The following ZZEF1 variants were observed in gnomAD, a reference collection of about 807,000 sequenced individuals.
ZZEF1 encodes the protein zinc finger ZZ-type and EF-hand domain containing 1, also known as zinc finger ZZ-type and EF-hand domain-containing protein 1.
In ZZEF1, 157 loss-of-function variants were observed where a neutral mutation model predicts 342.8. That is an observed-to-expected ratio of 0.46 (90% confidence interval 0.40 to 0.52). ZZEF1 has a LOEUF of 0.52. ZZEF1 is among the 20% of genes least tolerant of loss of function. ZZEF1 has a pLI of 0.00. For missense variants in ZZEF1, 3,480 were observed against 3,725.6 expected (o/e 0.93, Z 1.72); for synonymous variants, 1,505 against 1,429.1 (o/e 1.05, Z -1.20).
At chr17:4,051,124 G>T (rs1249379046) in intron 35 of ZZEF1, 81 bp from the exon 36 acceptor site, 99 of 1,603,048 alleles carry the variant, frequency 6.2e-5, no homozygotes, top group Non-Finnish European at 7.5e-5. Flanking sequence ...GGCCTTAGGA[G>T]AGCATGTGGT....
At chr17:4,038,843 C>A (rs143611186) in intron 39 of ZZEF1, among the ~76,000 whole-genome samples, 7 of 151,132 alleles carry the variant, frequency 4.6e-5, no homozygotes, top group Non-Finnish European at 8.8e-5. Flanking sequence ...AAACAAAAAA[C>A]CACCACCACC....
At chr17:4,091,739 T>C (rs775143398) in intron 11 of ZZEF1, among the ~76,000 whole-genome samples, 1 of 151,328 alleles carries the variant, frequency 6.6e-6, no homozygotes, top group South Asian at 2.1e-4. Context: ...ATCACGCCAT[T>C]GCACTCCAGC....
intron 1 of ZZEF1, among the ~76,000 whole-genome samples, chr17:4,140,303 C>T (rs757752654): frequency 1.3e-5 from 2 of 152,218 alleles, no homozygotes; most frequent in Non-Finnish European, 2.9e-5. Context: ...GATACAATTT[C>T]CTCTGCCTGA....
chr17:4,126,859 C>T (rs1799629419), intron 1 of ZZEF1, among the ~76,000 whole-genome samples: 1 of 152,092 alleles, frequency 6.6e-6, no homozygotes, highest in African/African-American at 2.4e-5. Context: ...TCCAGCTACT[C>T]CAGAGGCTGA....
At chr17:4,115,337 T>C (rs1280632897) in intron 3 of ZZEF1, among the ~76,000 whole-genome samples, 1 of 152,166 alleles carries the variant, frequency 6.6e-6, no homozygotes, top group Admixed American at 6.5e-5. Context: ...ATGTGCTTTT[T>C]ATACTTTCCT....
intron 1 of ZZEF1, among the ~76,000 whole-genome samples, chr17:4,138,728 A>G: frequency 6.6e-6 from 1 of 152,264 alleles, no homozygotes; most frequent in East Asian, 1.9e-4. Context: ...TCCTGTACTC[A>G]GCACGTTTTT....
chr17:4,015,580 T>A (rs753365501), intron 49 of ZZEF1, among the ~76,000 whole-genome samples: 1 of 152,086 alleles, frequency 6.6e-6, no homozygotes, highest in Non-Finnish European at 1.5e-5. Context: ...GCCTGGCCAA[T>A]ATGGTGAAAC....
chr17:4,038,622 T>G (rs1029322716), intron 39 of ZZEF1, among the ~76,000 whole-genome samples: 1 of 151,978 alleles, frequency 6.6e-6, no homozygotes, highest in African/African-American at 2.4e-5. Context: ...CTGGCCAACA[T>G]GGTGAAACCC....
intron 1 of ZZEF1, among the ~76,000 whole-genome samples, chr17:4,131,735 C>T (rs1375639051): frequency 6.6e-6 from 1 of 151,934 alleles, no homozygotes. Context: ...GCCAAGATTG[C>T]ACCACTGTAC....
intron 11 of ZZEF1, among the ~76,000 whole-genome samples, chr17:4,095,248 T>C (rs1291833343): frequency 6.6e-6 from 1 of 152,184 alleles, no homozygotes; most frequent in Non-Finnish European, 1.5e-5. Context: ...ATAAACAGCA[T>C]AACAACACTT....
chr17:4,013,752 T>C (rs1597753886), intron 51 of ZZEF1, 138 bp from the exon 52 acceptor site: 1 of 1,038,552 alleles, frequency 9.6e-7, no homozygotes, highest in East Asian at 2.8e-5. Context: ...ACTGTGATCA[T>C]TTAAATTCTG....
chr17:4,057,655 G>C (rs1018330739), intron 32 of ZZEF1, among the ~76,000 whole-genome samples: 1 of 152,202 alleles, frequency 6.6e-6, no homozygotes, highest in Non-Finnish European at 1.5e-5. Flanking sequence ...CCAAAATGCA[G>C]AGGATTCTCG....
chr17:4,012,988 G>A (rs1040786869), intron 52 of ZZEF1, among the ~76,000 whole-genome samples: 82 of 151,550 alleles, frequency 5.4e-4, no homozygotes, highest in African/African-American at 1.9e-3. Context: ...AATGGCCGTG[G>A]ATTAGAGGAC....
At chr17:4,064,052 T>C (rs1478002024) in intron 29 of ZZEF1, among the ~76,000 whole-genome samples, 1 of 146,386 alleles carries the variant, frequency 6.8e-6, no homozygotes, top group East Asian at 2.0e-4. Context: ...AAAAAAATTT[T>C]TTGTAGATGG....
At chr17:4,018,661 G>A (rs759149233) in intron 46 of ZZEF1, among the ~76,000 whole-genome samples, 2 of 152,176 alleles carry the variant, frequency 1.3e-5, no homozygotes, top group Non-Finnish European at 2.9e-5. Flanking sequence ...GACTCTGGCC[G>A]AAACTCGGTG....
intron 42 of ZZEF1, among the ~76,000 whole-genome samples, chr17:4,025,975 G>A (rs1022868973): frequency 6.6e-6 from 1 of 152,188 alleles, no homozygotes; most frequent in Non-Finnish European, 1.5e-5. Context: ...AAGAAACAGA[G>A]ATCAGAGTTC....
intron 2 of ZZEF1, among the ~76,000 whole-genome samples, chr17:4,119,258 C>A (rs2058445910): frequency 6.6e-6 from 1 of 152,222 alleles, no homozygotes; most frequent in African/African-American, 2.4e-5. Context: ...CTCCAATATT[C>A]ATCCGTCTTC....
chr17:4,105,958 CT>C (rs200290066), intron 6 of ZZEF1, 149 bp from the exon 7 acceptor site: 498 of 595,992 alleles, frequency 8.4e-4, no homozygotes, highest in East Asian at 1.2e-3. Flanking sequence ...ACTGGCCCTT[CT>C]TTTTTTTTGA....
At chr17:4,040,564 T>A (rs1168283133) in intron 39 of ZZEF1, among the ~76,000 whole-genome samples, 1 of 152,188 alleles carries the variant, frequency 6.6e-6, no homozygotes, top group African/African-American at 2.4e-5. Context: ...GTTACACTGT[T>A]AATTAAGAGA....
Sources: gnomAD v4.1 joint callset for allele counts (sites outside exome capture counted in the v4.1 genomes callset) on GRCh38, gnomAD v4.1.1 for gene constraint, MANE v1.5 for transcripts, NCBI Gene and HGNC (gene_info 2026-07-23, HGNC 2026-07-21) for gene names.